The following NYAP2 variants were observed in gnomAD, a reference collection of about 807,000 sequenced individuals.
NYAP2 encodes the protein neuronal tyrosine-phosphorylated phosphoinositide-3-kinase adaptor 2.
In NYAP2, 23 loss-of-function variants were observed where a neutral mutation model predicts 50.4. That is an observed-to-expected ratio of 0.46 (90% CI 0.33 to 0.65). The LOEUF (loss-of-function observed/expected upper bound fraction) is 0.65, where lower values mean the gene tolerates loss of function less well. NYAP2 is among the 30% of genes least tolerant of loss of function. NYAP2 has a pLI of 0.02. For synonymous variants in NYAP2, 394 were observed against 365.2 expected (o/e 1.08, Z -0.90); for missense variants, 885 against 861.0 (o/e 1.03, Z -0.35).
the NYAP2 span, among the ~76,000 whole-genome samples, chr2:225,693,664 G>T: frequency 1.3e-5 from 2 of 151,980 alleles, no homozygotes; most frequent in African/African-American, 2.4e-5. Flanking sequence ...CGGCAGCCTG[G>T]CTGAAGGGGT....
chr2:225,480,089 T>A (rs1690180391), intron 3 of NYAP2, among the ~76,000 whole-genome samples: 1 of 152,118 alleles, frequency 6.6e-6, no homozygotes, highest in East Asian at 1.9e-4. Flanking sequence ...TCTGTAAATC[T>A]GTGAATTCCT....
At chr2:225,652,053 G>T (rs1157675851) in exon 7 of NYAP2, 1 of 153,198 alleles carries the variant, frequency 6.5e-6, no homozygotes, top group Admixed American at 6.5e-5. Flanking sequence ...ATTTCTGGTG[G>T]TTTTATTTTT....
At chr2:225,425,941 AAAAG>A (rs1695280146) in intron 3 of NYAP2, among the ~76,000 whole-genome samples, 1 of 152,126 alleles carries the variant, frequency 6.6e-6, no homozygotes, top group African/African-American at 2.4e-5. Context: ...GAGAGAGAGA[AAAAG>A]AAAGAAATAA....
intron 3 of NYAP2, among the ~76,000 whole-genome samples, chr2:225,474,395 T>A (rs974219250): frequency 6.6e-6 from 1 of 152,210 alleles, no homozygotes; most frequent in African/African-American, 2.4e-5. Flanking sequence ...ATAAATTACC[T>A]TGGGCAGTTT....
chr2:225,578,269 A>C (rs956484440), intron 4 of NYAP2, among the ~76,000 whole-genome samples: 1 of 152,010 alleles, frequency 6.6e-6, no homozygotes, highest in Admixed American at 6.6e-5. Flanking sequence ...CAATAATAAG[A>C]AAAAGGACTG....
At chr2:225,545,644 C>G (rs1353667464) in intron 4 of NYAP2, among the ~76,000 whole-genome samples, 1 of 152,110 alleles carries the variant, frequency 6.6e-6, no homozygotes, top group African/African-American at 2.4e-5. Context: ...TTTGAATTCT[C>G]TCTCTGAAAA....
At chr2:225,529,730 C>G (rs144521922) in intron 4 of NYAP2, among the ~76,000 whole-genome samples, 1 of 151,344 alleles carries the variant, frequency 6.6e-6, no homozygotes, top group Non-Finnish European at 1.5e-5. Context: ...TTTTTTGAGA[C>G]GGAGTCTCAC....
At chr2:225,630,473 A>G (rs1401129448) in intron 6 of NYAP2, among the ~76,000 whole-genome samples, 1 of 152,154 alleles carries the variant, frequency 6.6e-6, no homozygotes, top group African/African-American at 2.4e-5. Context: ...TCTCCATTTC[A>G]TCTAATTGGT....
the NYAP2 span, among the ~76,000 whole-genome samples, chr2:225,668,956 CTTTTTTTTTTTTTTTTT>C: frequency 8.6e-5 from 6 of 69,526 alleles, no homozygotes; most frequent in African/African-American, 3.0e-4. Flanking sequence ...GTGTCCCCTG[CTTTTTTTTTTTTTTTTT>C]TTTTTTTTTT....
intron 3 of NYAP2, among the ~76,000 whole-genome samples, chr2:225,454,211 A>C (rs1195669342): frequency 6.6e-6 from 1 of 152,124 alleles, no homozygotes; most frequent in African/African-American, 2.4e-5. Context: ...CTGAAATCCC[A>C]GCTATAATGC....
At chr2:225,628,339 G>C (rs78364128) in intron 6 of NYAP2, among the ~76,000 whole-genome samples, 1 of 28,876 alleles carries the variant, frequency 3.5e-5, no homozygotes, top group South Asian at 1.2e-3. Flanking sequence ...TTTTTTTTTT[G>C]AGATGGAGTT....
chr2:225,450,484 G>T (rs1268856041), intron 3 of NYAP2, among the ~76,000 whole-genome samples: 1 of 152,124 alleles, frequency 6.6e-6, no homozygotes, highest in African/African-American at 2.4e-5. Context: ...ATGACACCCG[G>T]AAAGGCAGAA....
chr2:225,604,457 G>C (rs1031629692), intron 5 of NYAP2, among the ~76,000 whole-genome samples: 1 of 152,040 alleles, frequency 6.6e-6, no homozygotes, highest in Non-Finnish European at 1.5e-5. Context: ...ACAAACTGAA[G>C]TCCAAAGAGG....
At chr2:225,665,806 C>CGAAAA in the NYAP2 span, among the ~76,000 whole-genome samples, 1 of 4,426 alleles carries the variant, frequency 2.3e-4, no homozygotes, top group East Asian at 1.6e-3. Context: ...AAGCCTCCGT[C>CGAAAA]TAAAAAAAAA....
chr2:225,563,822 C>T (rs956370200), intron 4 of NYAP2, among the ~76,000 whole-genome samples: 6 of 152,026 alleles, frequency 3.9e-5, no homozygotes, highest in African/African-American at 9.7e-5. Context: ...TAATATTACT[C>T]AAATTGTCTA....
At chr2:225,589,489 C>T (rs940146887) in intron 5 of NYAP2, among the ~76,000 whole-genome samples, 6 of 120,922 alleles carry the variant, frequency 5.0e-5, no homozygotes, top group Non-Finnish European at 8.7e-5. Context: ...GGGCAACATA[C>T]TAAGACTATA....
intron 2 of NYAP2, among the ~76,000 whole-genome samples, chr2:225,402,147 A>C (rs1193240008): frequency 6.6e-6 from 1 of 152,060 alleles, no homozygotes; most frequent in Non-Finnish European, 1.5e-5. Flanking sequence ...GACTATGTGA[A>C]GGACATAGAC....
chr2:225,401,514 A>T (rs1393959103), intron 2 of NYAP2, among the ~76,000 whole-genome samples: 1 of 152,008 alleles, frequency 6.6e-6, no homozygotes, highest in Non-Finnish European at 1.5e-5. Flanking sequence ...TACCAGACAA[A>T]CAGCAAAGCC....
intron 4 of NYAP2, among the ~76,000 whole-genome samples, chr2:225,540,879 G>T (rs779406801): frequency 5.3e-4 from 80 of 152,140 alleles, no homozygotes; most frequent in Non-Finnish European, 5.3e-4. Flanking sequence ...CTCCATAATG[G>T]TTTTACTAAT....
Sources: allele counts gnomAD v4.1 joint callset (sites outside exome capture counted in the v4.1 genomes callset), GRCh38; gene constraint gnomAD v4.1.1; transcripts MANE v1.5; gene names NCBI Gene and HGNC (gene_info 2026-07-23, HGNC 2026-07-21).